Variants in SPAG16 observed in about 807,000 individuals in gnomAD.
SPAG16 encodes the protein sperm associated antigen 16.
In SPAG16, 86 loss-of-function variants were observed where a neutral mutation model predicts 80.4. The ratio of observed to expected loss-of-function variants is 1.07; its 90% CI spans 0.90 to 1.28. The LOEUF is 1.28. Ranked by LOEUF, SPAG16 falls within the 50% of genes most tolerant of loss-of-function variation. The pLI is 0.00. For missense variants in SPAG16, 870 were observed against 765.3 expected (o/e 1.14, Z -1.61); for synonymous variants, 294 against 265.9 (o/e 1.11, Z -1.03).
At chr2:214,052,624 TAA>T (rs2049711939) in intron 13 of SPAG16, among the ~76,000 whole-genome samples, 2 of 152,168 alleles carry the variant, frequency 1.3e-5, no homozygotes, top group Admixed American at 1.3e-4. Context: ...ATAAGAATAA[TAA>T]TATAAACTCA....
rs575712492 is a variant in SPAG16, at chr2:214,013,324, C to T, written c.1401-627C>T. On this transcript the variant is annotated intron_variant, in intron 12 of 15. Coordinates refer to ENST00000331683, the MANE Select transcript of SPAG16 (RefSeq NM_024532.5). Reference sequence around the variant, plus strand: ...TGTATCCATCACTTCATGCATTTACCACTTCTTTGTGGCGAGAACTTTCAA... The same window carrying T: ...TGTATCCATCACTTCATGCATTTACTACTTCTTTGTGGCGAGAACTTTCAA... Among the ~76,000 whole-genome samples the T allele has an allele frequency of 5.9e-5, 9 of 152,072 alleles. No individual in the cohort carries two copies. In the South Asian group the frequency reaches 1.9e-3, roughly 32 times the overall value.
intron 10 of SPAG16, among the ~76,000 whole-genome samples, chr2:213,638,012 C>A (rs754651216): frequency 2.0e-5 from 3 of 152,198 alleles, no homozygotes; most frequent in Non-Finnish European, 4.4e-5. Flanking sequence ...CCGTCTTGGC[C>A]TCCCAGAGTG....
intron 10 of SPAG16, among the ~76,000 whole-genome samples, chr2:213,571,956 T>C (rs887208590): frequency 6.8e-5 from 9 of 132,364 alleles, no homozygotes; most frequent in African/African-American, 1.0e-4. Context: ...CTTTTTTCTC[T>C]AAACTTCCCT....
chr2:213,705,284 AAGGG>A (rs1198975496), intron 10 of SPAG16, among the ~76,000 whole-genome samples: 19 of 148,710 alleles, frequency 1.3e-4, no homozygotes, highest in African/African-American at 2.2e-4. Context: ...GGGAGGGAGG[AAGGG>A]AGGGAGGGAG....
intron 12 of SPAG16, among the ~76,000 whole-genome samples, chr2:214,007,174 T>A (rs540920689): frequency 6.6e-6 from 1 of 152,334 alleles, no homozygotes; most frequent in East Asian, 1.9e-4. Flanking sequence ...TAATGTTGCA[T>A]TTGCCTAAAA....
At chr2:213,989,681 G>C (rs1403890633) in intron 12 of SPAG16, among the ~76,000 whole-genome samples, 1 of 151,892 alleles carries the variant, frequency 6.6e-6, no homozygotes, top group Non-Finnish European at 1.5e-5. Context: ...TTCCTTAATA[G>C]GCAAATAAAG....
intron 15 of SPAG16, among the ~76,000 whole-genome samples, chr2:214,401,564 A>C (rs1701710585): frequency 6.6e-6 from 1 of 151,950 alleles, no homozygotes; most frequent in Non-Finnish European, 1.5e-5. Flanking sequence ...AATTTAATCA[A>C]AGAATGAATA....
At chr2:214,248,150 C>T (rs771447592) in intron 15 of SPAG16, among the ~76,000 whole-genome samples, 15 of 151,786 alleles carry the variant, frequency 9.9e-5, no homozygotes, top group Non-Finnish European at 1.9e-4. Flanking sequence ...ATCCAGAACA[C>T]AGAAAACAAC....
chr2:213,946,409 G>T (rs540972685), intron 12 of SPAG16, among the ~76,000 whole-genome samples: 51 of 152,096 alleles, frequency 3.4e-4, no homozygotes, highest in African/African-American at 9.4e-4. Context: ...CACTGTGCCC[G>T]GCCTGTTGGG....
chr2:214,371,237 A>C (rs1343621095), intron 15 of SPAG16, among the ~76,000 whole-genome samples: 1 of 152,096 alleles, frequency 6.6e-6, no homozygotes, highest in Non-Finnish European at 1.5e-5. Context: ...TCAGTGTTTT[A>C]AGAAGCATAT....
At chr2:214,229,488 A>G (rs370756188) in intron 15 of SPAG16, among the ~76,000 whole-genome samples, 1 of 151,738 alleles carries the variant, frequency 6.6e-6, no homozygotes, top group East Asian at 1.9e-4. Context: ...GTATGTGTAT[A>G]TATATTTATA....
intron 9 of SPAG16, among the ~76,000 whole-genome samples, chr2:213,421,226 T>C (rs2069565233): frequency 6.6e-6 from 1 of 151,980 alleles, no homozygotes; most frequent in African/African-American, 2.4e-5. Flanking sequence ...TCCCTGCTCC[T>C]GGCACCCACT....
intron 10 of SPAG16, among the ~76,000 whole-genome samples, chr2:213,600,522 T>A (rs1205420792): frequency 6.6e-6 from 1 of 152,202 alleles, no homozygotes. Context: ...TGAATCTGCC[T>A]CACCTGGCTA....
chr2:213,981,074 C>G (rs769715217), intron 12 of SPAG16, among the ~76,000 whole-genome samples: 1 of 152,052 alleles, frequency 6.6e-6, no homozygotes, highest in African/African-American at 2.4e-5. Context: ...GATCAAGATG[C>G]CAGCTGACTC....
At chr2:214,199,250 G>C (rs935575142) in intron 15 of SPAG16, among the ~76,000 whole-genome samples, 1 of 152,064 alleles carries the variant, frequency 6.6e-6, no homozygotes, top group Non-Finnish European at 1.5e-5. Context: ...TTAGATTTAA[G>C]TCTTTGATCC....
rs143585797 is a variant in SPAG16, at chr2:213,689,114, G to A, written c.1071-173371G>A. Among the ~76,000 whole-genome samples the A allele has an allele frequency of 1.4e-4, 22 of 152,074 alleles. 1 individual carries two copies. Among genetic ancestry groups the A allele is most frequent in the Admixed American group, 3.9e-4 (6 of 15,266 alleles). The stretch of plus-strand genomic sequence containing the variant: ...AGCTGGGATCACAGGCTCCTGCCAC[G>A]GTGCCTGGTTAGTGTTTGTATTTTT... On this transcript the variant is annotated intron_variant, in intron 10 of 15. Coordinates refer to ENST00000331683, the MANE Select transcript of SPAG16 (RefSeq NM_024532.5).
At chr2:213,856,719 T>C (rs1374022243) in intron 10 of SPAG16, among the ~76,000 whole-genome samples, 3 of 152,198 alleles carry the variant, frequency 2.0e-5, no homozygotes, top group Non-Finnish European at 4.4e-5. Context: ...TTTGCCCCTG[T>C]TAGTCATTGC....
At chr2:214,086,887 A>G (rs2051804556) in intron 13 of SPAG16, among the ~76,000 whole-genome samples, 1 of 152,216 alleles carries the variant, frequency 6.6e-6, no homozygotes, top group South Asian at 2.1e-4. Context: ...CAGTGAAAGA[A>G]TTGGCATTTT....
intron 13 of SPAG16, among the ~76,000 whole-genome samples, chr2:214,097,740 G>T (rs2052699843): frequency 1.3e-5 from 2 of 151,992 alleles, no homozygotes; most frequent in Middle Eastern, 3.4e-3. Flanking sequence ...CATCGTTGTG[G>T]TTATAATTAT....
Sources: gnomAD v4.1 joint callset for allele counts (sites outside exome capture counted in the v4.1 genomes callset) on GRCh38, gnomAD v4.1.1 for gene constraint, MANE v1.5 for transcripts, NCBI Gene and HGNC (gene_info 2026-07-23, HGNC 2026-07-21) for gene names.